Variants in CDC42BPB observed in about 807,000 individuals in gnomAD.
CDC42BPB encodes the protein CDC42 binding protein kinase beta, also known as serine/threonine-protein kinase MRCK beta.
In CDC42BPB, 37 loss-of-function variants were observed where a neutral mutation model predicts 214.9. That is an observed-to-expected ratio of 0.17 (90% CI 0.13 to 0.23). The LOEUF is 0.23. CDC42BPB is among the 10% of genes least tolerant of loss of function. CDC42BPB has a pLI of 1.00. For synonymous variants in CDC42BPB, 931 were observed against 884.0 expected, an observed-to-expected ratio of 1.05 and a Z score of -0.94; for missense variants, 1,694 against 2,227.0, an observed-to-expected ratio of 0.76 and a Z score of 4.82.
intron 21 of CDC42BPB, among the ~76,000 whole-genome samples, chr14:102,955,201 C>A (rs1434068118): frequency 6.6e-6 from 1 of 152,144 alleles, no homozygotes; most frequent in Non-Finnish European, 1.5e-5. Flanking sequence ...GGGGGGCAGA[C>A]CACCTGAAGT....
At chr14:102,964,429 C>T (rs1429768980) in intron 19 of CDC42BPB, 73 bp downstream of exon 19, 6 of 1,548,134 alleles carry the variant, frequency 3.9e-6, no homozygotes, top group South Asian at 2.3e-5. Flanking sequence ...CATCGGAGCC[C>T]GTGAGGCTCA....
At chr14:103,017,899 C>T (rs1027350492) in intron 1 of CDC42BPB, among the ~76,000 whole-genome samples, 4 of 152,142 alleles carry the variant, frequency 2.6e-5, no homozygotes, top group African/African-American at 7.2e-5. Flanking sequence ...TTGGTTACAC[C>T]GTGGTTATGT....
At chr14:102,966,453 G>T in intron 17 of CDC42BPB, 66 bp from the exon 18 acceptor site, 1 of 1,594,210 alleles carries the variant, frequency 6.3e-7, no homozygotes, top group Non-Finnish European at 8.6e-7. Context: ...AAACAAGAAG[G>T]GGACGTTCCC....
rs141912208 is a variant in CDC42BPB, at chr14:102,944,088, T to C, written c.4211A>G (p.Gln1404Arg). 26 of 1,613,460 alleles carry C rather than the reference T, an allele frequency of 1.6e-5. No individual in the cohort carries two copies. The Admixed American group carries it at 3.5e-4, about 22-fold the overall frequency. The change falls in exon 30 of 37, where the codon CAG becomes CGG. Residue 1404 changes from glutamine (Q) to arginine (R), a missense_variant. Gln to Arg is a conservative substitution (Grantham distance 43). Around this residue, in one of 7 missense-constraint regions of CDC42BPB, gnomAD observed 567 missense variants for 790.3 expected, o/e 0.72. Transcript: ENST00000361246. This position sits in a 1 kb window ranked among gnomAD's most constrained non-coding sequence, Gnocchi z 6.6. ...ATTGGGATTTACCAGGTTTAGAGGC[T>C]GCCCGTCCCCCTGGATGCTCAGCAG... Reference protein sequence around the residue: ...FCLLSIQGDGQPLNLVNPNDP... With the variant: ...FCLLSIQGDGRPLNLVNPNDP...
Position 102,944,626 on chromosome 14 carries a change from C to T in CDC42BPB, c.3812-139G>A, listed in dbSNP as rs1892065537. 5.5e-6 allele frequency: 8 copies of T among 1,449,654 alleles called. No individual in the cohort carries two copies. The highest frequency in any genetic ancestry group is 7.3e-6 in the Non-Finnish European group (8 of 1,101,520). 89.8% of individuals were successfully genotyped at this position (1,449,654 alleles called of 1,614,324 possible). A position where few individuals can be genotyped will look rare whatever the true frequency, so the allele number is the denominator to read the frequency against. On this transcript the variant is annotated intron_variant, in intron 29 of 36. Coordinates refer to ENST00000361246, the MANE Select transcript of CDC42BPB (RefSeq NM_006035.4). This position sits in a 1 kb window ranked among gnomAD's most constrained non-coding sequence, Gnocchi z 6.6. Reference sequence around the variant, plus strand: ...CCTTCCTGTGTGCACAGCCTGAGCCCGGCCCTGAGCCCGTCTCTGCCCACA... The same window carrying T: ...CCTTCCTGTGTGCACAGCCTGAGCCTGGCCCTGAGCCCGTCTCTGCCCACA...
At chr14:102,966,893 A>T (rs1595475155) in intron 17 of CDC42BPB, among the ~76,000 whole-genome samples, 153 bp downstream of exon 17, 1 of 152,336 alleles carries the variant, frequency 6.6e-6, no homozygotes, top group Non-Finnish European at 1.5e-5. Flanking sequence ...TGCCCCAGAC[A>T]TGAGAAGTTC....
intron 1 of CDC42BPB, among the ~76,000 whole-genome samples, chr14:103,022,612 C>A (rs925019928): frequency 6.6e-6 from 1 of 152,130 alleles, no homozygotes; most frequent in African/African-American, 2.4e-5. Flanking sequence ...GAAAGCTGGC[C>A]CATTCCCCAC....
chr14:102,964,515 G>A lies in CDC42BPB; in HGVS notation c.2713C>T (p.Leu905Phe). The change falls in exon 19 of 37, where the codon CTC becomes TTC. Residue 905 changes from leucine (L) to phenylalanine (F), a missense_variant. Around this residue, in one of 7 missense-constraint regions of CDC42BPB, gnomAD observed 156 missense variants for 154.5 expected, o/e 1.01. Transcript: ENST00000361246. Reference sequence around the variant, plus strand: ...GGCACCAAGTACCTTTCCAAGGTGAGGTTGGCGTCCTTGACCTTCCTGAGC... The same window carrying A: ...GGCACCAAGTACCTTTCCAAGGTGAAGTTGGCGTCCTTGACCTTCCTGAGC... ...EELRKVKDAN[L>F]TLESKLKDSE... 1 of 1,613,702 alleles carries A rather than the reference G, an allele frequency of 6.2e-7. No homozygotes were observed. Among genetic ancestry groups the A allele is most frequent in the Non-Finnish European group, 8.5e-7 (1 of 1,179,970 alleles).
intron 1 of CDC42BPB, among the ~76,000 whole-genome samples, chr14:103,028,113 G>A (rs1441250697): frequency 1.3e-5 from 2 of 152,164 alleles, no homozygotes; most frequent in Non-Finnish European, 2.9e-5. Context: ...CTGGGTGACA[G>A]AGCAAGACTC....
At chr14:102,990,036 C>T (rs1329762242) in intron 5 of CDC42BPB, among the ~76,000 whole-genome samples, 1 of 152,056 alleles carries the variant, frequency 6.6e-6, no homozygotes, top group Non-Finnish European at 1.5e-5. Flanking sequence ...TCCTGGGTTG[C>T]CAGCGGAGGT....
intron 1 of CDC42BPB, among the ~76,000 whole-genome samples, chr14:103,048,943 C>A (rs1300656898): frequency 1.3e-5 from 2 of 151,852 alleles, no homozygotes; most frequent in Non-Finnish European, 2.9e-5. Flanking sequence ...ACTCCAATAA[C>A]ACAAAACTAT....
rs1289000508 is a variant in CDC42BPB, at chr14:102,974,059, T to C, written c.1598A>G (p.Lys533Arg). 1 of 1,613,692 alleles carries C rather than the reference T, an allele frequency of 6.2e-7. No individual in the cohort carries two copies. The highest frequency in any genetic ancestry group is 1.3e-5 in the African/African-American group (1 of 74,932). ...DSTQRLRGLE[K>R]QHRVVRQEKE... ...CTCCTGCCGGACCACGCGGTGCTGCTTCTCCAGCCCCCGCAGCCGCTGCGT... is the reference window on the plus strand; with the variant it reads ...CTCCTGCCGGACCACGCGGTGCTGCCTCTCCAGCCCCCGCAGCCGCTGCGT... Residue 533 changes from lysine to arginine, a missense_variant, in exon 12 of 37, where the codon AAG becomes AGG. This residue lies in a region of CDC42BPB where 462 missense variants were observed against 513.5 expected (regional missense o/e 0.90). Coordinates refer to ENST00000361246, the MANE Select transcript of CDC42BPB (RefSeq NM_006035.4).
chr14:102,968,729 G>T lies in CDC42BPB; in HGVS notation c.1996-13C>A. ...CTCCTTGCTTCACCTGAAGACAAAGGTTAACATAAATTGACAAACCTCTGT... is the reference window on the plus strand; with the variant it reads ...CTCCTTGCTTCACCTGAAGACAAAGTTTAACATAAATTGACAAACCTCTGT... On this transcript the variant is annotated splice_polypyrimidine_tract_variant and intron_variant, in intron 14 of 36. Transcript: ENST00000361246. The T allele has an allele frequency of 6.2e-7, 1 of 1,612,760 alleles. No individual in the cohort carries two copies. Among genetic ancestry groups the T allele is most frequent in the Non-Finnish European group, 8.5e-7 (1 of 1,179,838 alleles).
At position 103,057,510 on chromosome 14, in the gene CDC42BPB, G is replaced by C. The variant is rs1889056849; in HGVS notation, c.-337C>G. Reference sequence around the variant, plus strand: ...CGCCGCCGCAGACTAGGAGCGGCGAGGAGCCTAGCGCTGCGCAAGCCCGGC... The same window carrying C: ...CGCCGCCGCAGACTAGGAGCGGCGACGAGCCTAGCGCTGCGCAAGCCCGGC... On this transcript the variant is annotated 5_prime_UTR_variant, in exon 1 of 37. Coordinates refer to ENST00000361246, the MANE Select transcript of CDC42BPB (RefSeq NM_006035.4). 1 of 165,300 alleles carries C rather than the reference G, an allele frequency of 6.0e-6. No individual in the cohort carries two copies. Among genetic ancestry groups the C allele is most frequent in the Admixed American group, 6.8e-5 (1 of 14,748 alleles). The allele number at this position is 165,300 out of a possible 1,614,324, so 10.2% of individuals were successfully genotyped here.
At chr14:103,021,651 G>T (rs1380645658) in intron 1 of CDC42BPB, among the ~76,000 whole-genome samples, 1 of 148,348 alleles carries the variant, frequency 6.7e-6, no homozygotes, top group Non-Finnish European at 1.5e-5. Context: ...CTGCACTCCA[G>T]CCTGGGCAAC....
chr14:103,056,148 A>T (rs1023338642), intron 1 of CDC42BPB, among the ~76,000 whole-genome samples: 16 of 152,224 alleles, frequency 1.1e-4, no homozygotes, highest in African/African-American at 3.9e-4. Flanking sequence ...CTGACCAATG[A>T]TTAAAACATT....
chr14:103,022,050 T>G (rs1886804268), intron 1 of CDC42BPB, among the ~76,000 whole-genome samples: 1 of 151,808 alleles, frequency 6.6e-6, no homozygotes, highest in Non-Finnish European at 1.5e-5. Context: ...AGGTGCCCAG[T>G]GTACAGCTGG....
At chr14:103,046,956 T>C (rs1238378009) in intron 1 of CDC42BPB, among the ~76,000 whole-genome samples, 1 of 150,548 alleles carries the variant, frequency 6.6e-6, no homozygotes. Context: ...CAGCCTTACA[T>C]TGAATTTTTG....
chr14:103,034,342 C>T (rs546665868), intron 1 of CDC42BPB, among the ~76,000 whole-genome samples: 2 of 152,082 alleles, frequency 1.3e-5, no homozygotes, highest in South Asian at 4.1e-4. Flanking sequence ...ACTAGTGAGA[C>T]CTTATCTCAT....
Sources: allele counts gnomAD v4.1 joint callset (sites outside exome capture counted in the v4.1 genomes callset), GRCh38; gene constraint gnomAD v4.1.1; regional missense constraint gnomAD v4.1.1; non-coding constraint Gnocchi (gnomAD v3.1); transcripts MANE v1.5; gene names NCBI Gene and HGNC (gene_info 2026-07-23, HGNC 2026-07-21).